Variants in GKAP1 observed in about 807,000 individuals in gnomAD.
GKAP1 encodes G kinase anchoring protein 1.
In GKAP1, 31 loss-of-function variants were observed where a neutral mutation model predicts 56.7. The ratio of observed to expected loss-of-function variants is 0.55; its 90% CI spans 0.41 to 0.74. GKAP1 has a LOEUF of 0.74. GKAP1 is among the 30% of genes least tolerant of loss of function. GKAP1 has a pLI of 0.00. For missense variants in GKAP1, 364 were observed against 402.3 expected (o/e 0.90, Z 0.82); for synonymous variants, 151 against 138.6 (o/e 1.09, Z -0.63).
intron 10 of GKAP1, among the ~76,000 whole-genome samples, chr9:83,744,528 G>A (rs1024163794): frequency 3.3e-5 from 5 of 152,188 alleles, no homozygotes; most frequent in African/African-American, 4.8e-5. Flanking sequence ...AAGGTAAAGT[G>A]CCATATTTAT....
In GKAP1 at chr9:83,791,274, G is replaced by T. The variant is rs548676322; in HGVS notation, c.361-2596C>A. Among the ~76,000 whole-genome samples the T allele has an allele frequency of 4.0e-5, 6 of 151,830 alleles. No individual in the cohort carries two copies. The South Asian group carries it at 1.2e-3, about 32-fold the overall frequency. On this transcript the variant is annotated intron_variant, in intron 4 of 12. Transcript: ENST00000376371. ...AAAAATTAGCCGGACGTGGTGGCGG[G>T]TGCCTGTAGTCCCAGCTACTCGGGA...
intron 7 of GKAP1, among the ~76,000 whole-genome samples, chr9:83,776,163 C>A (rs1361622029): frequency 6.6e-6 from 1 of 152,118 alleles, no homozygotes; most frequent in Non-Finnish European, 1.5e-5. Context: ...AAATAACTGT[C>A]TCTGTTTTGT....
intron 7 of GKAP1, among the ~76,000 whole-genome samples, chr9:83,770,231 T>C (rs985336972): frequency 1.7e-4 from 26 of 152,212 alleles, no homozygotes; most frequent in African/African-American, 4.6e-4. Flanking sequence ...CAAGAAACCA[T>C]TGCTTAACTC....
intron 8 of GKAP1, among the ~76,000 whole-genome samples, chr9:83,755,608 A>G (rs754490627): frequency 6.6e-6 from 1 of 152,066 alleles, no homozygotes; most frequent in Admixed American, 6.5e-5. Flanking sequence ...ACATCAAAAA[A>G]AAGAGGAAAA....
chr9:83,782,732 C>T (rs72749110), intron 6 of GKAP1, among the ~76,000 whole-genome samples: 42,756 of 146,062 alleles, frequency 0.29, 7,715 homozygotes, highest in East Asian at 0.48. Context: ...AGTGGCACAA[C>T]CTTGGCTCAC....
chr9:83,799,583 A>G (rs949886762), intron 3 of GKAP1, among the ~76,000 whole-genome samples: 1 of 152,242 alleles, frequency 6.6e-6, no homozygotes, highest in Admixed American at 6.5e-5. Context: ...ACTCTATTAT[A>G]CCACCATTTT....
intron 10 of GKAP1, among the ~76,000 whole-genome samples, chr9:83,744,807 G>A (rs766268153): frequency 2.6e-5 from 4 of 152,070 alleles, no homozygotes; most frequent in Non-Finnish European, 5.9e-5. Flanking sequence ...ATGGCTGGGA[G>A]GCCTCAGGAA....
At chr9:83,780,014 T>C (rs1943943989) in intron 7 of GKAP1, among the ~76,000 whole-genome samples, 1 of 151,968 alleles carries the variant, frequency 6.6e-6, no homozygotes, top group South Asian at 2.1e-4. Flanking sequence ...TCCAAAATAA[T>C]ATGAGACATC....
intron 4 of GKAP1, chr9:83,793,050 C>A (rs1448482947): frequency 1.7e-6 from 2 of 1,159,768 alleles, no homozygotes; most frequent in East Asian, 1.2e-4. Flanking sequence ...TCTATTTAAG[C>A]AAACCTATAG....
At chr9:83,748,500 G>C (rs755656208) in intron 9 of GKAP1, 128 bp from the exon 10 acceptor site, 2 of 532,976 alleles carry the variant, frequency 3.8e-6, no homozygotes, top group South Asian at 5.2e-5. Context: ...AAACAAACAG[G>C]ATGGAGGAAA....
At chr9:83,743,089 G>A (rs1943235249) in intron 10 of GKAP1, among the ~76,000 whole-genome samples, 2 of 152,130 alleles carry the variant, frequency 1.3e-5, no homozygotes, top group South Asian at 4.1e-4. Flanking sequence ...CTTCAACTGG[G>A]GAGGTGGTGG....
intron 8 of GKAP1, among the ~76,000 whole-genome samples, chr9:83,758,764 TGACA>T (rs1025843542): frequency 6.7e-6 from 1 of 149,670 alleles, no homozygotes; most frequent in East Asian, 2.0e-4. Context: ...AAAAACTGAA[TGACA>T]GACAGACTTA....
At chr9:83,761,446 G>A (rs975580221) in intron 8 of GKAP1, among the ~76,000 whole-genome samples, 22 of 151,996 alleles carry the variant, frequency 1.4e-4, no homozygotes, top group Non-Finnish European at 2.9e-4. Flanking sequence ...GTAAAGAAAA[G>A]CCCAGGATCC....
At chr9:83,781,446 C>T (rs1250651582) in intron 6 of GKAP1, among the ~76,000 whole-genome samples, 1 of 152,204 alleles carries the variant, frequency 6.6e-6, no homozygotes, top group Non-Finnish European at 1.5e-5. Flanking sequence ...TTCTTGTGTA[C>T]AGCAGAAATT....
chr9:83,742,506 C>A, intron 11 of GKAP1, 24 bp downstream of exon 11: 1 of 1,530,728 alleles, frequency 6.5e-7, no homozygotes, highest in South Asian at 1.1e-5. Context: ...GAAAACCAGT[C>A]ATGTATGCTC....
intron 2 of GKAP1, among the ~76,000 whole-genome samples, chr9:83,814,640 T>TA (rs1214111515): frequency 5.3e-5 from 8 of 152,214 alleles, no homozygotes; most frequent in African/African-American, 1.9e-4. Flanking sequence ...TTATTGAACT[T>TA]AGTGTTTTCT....
intron 9 of GKAP1, 21 bp from the exon 10 acceptor site, chr9:83,748,393 AT>A: frequency 7.0e-7 from 1 of 1,422,114 alleles, no homozygotes. Flanking sequence ...AAGAAAAAAG[AT>A]TTAGTTTTTT....
chr9:83,756,517 G>A (rs1220176027), intron 8 of GKAP1, among the ~76,000 whole-genome samples: 2 of 102,034 alleles, frequency 2.0e-5, no homozygotes, highest in Non-Finnish European at 4.6e-5. Flanking sequence ...AAGAATTAAT[G>A]TCCTGAATGC....
intron 3 of GKAP1, among the ~76,000 whole-genome samples, chr9:83,803,333 G>T (rs974418808): frequency 6.7e-6 from 1 of 149,476 alleles, no homozygotes; most frequent in Non-Finnish European, 1.5e-5. Context: ...CTGCCATCTC[G>T]GCTCACTGCA....
Sources: allele counts gnomAD v4.1 joint callset (sites outside exome capture counted in the v4.1 genomes callset), GRCh38; gene constraint gnomAD v4.1.1; transcripts MANE v1.5; gene names NCBI Gene and HGNC (gene_info 2026-07-23, HGNC 2026-07-21).